Variants in HAUS6 observed in about 807,000 individuals in gnomAD.
HAUS6 encodes HAUS augmin like complex subunit 6.
In HAUS6, 80 loss-of-function variants were observed where a neutral mutation model predicts 106.8. The observed-to-expected ratio is 0.75, with a 90% CI of 0.63 to 0.90. HAUS6 has a LOEUF of 0.90. HAUS6 is among the 40% of genes least tolerant of loss of function. The pLI is 0.00. For synonymous variants in HAUS6, 356 were observed against 379.1 expected (o/e 0.94, Z 0.71); for missense variants, 1,155 against 1,118.1 (o/e 1.03, Z -0.47).
At chr9:19,102,380 A>T in intron 1 of HAUS6, 144 bp downstream of exon 1, 1 of 880,278 alleles carries the variant, frequency 1.1e-6, no homozygotes, top group Non-Finnish European at 1.7e-6. Context: ...AGCAACTGGG[A>T]GTAGGAACTT....
At chr9:19,062,012 C>A (rs1836633955) in intron 14 of HAUS6, among the ~76,000 whole-genome samples, 1 of 152,140 alleles carries the variant, frequency 6.6e-6, no homozygotes, top group Non-Finnish European at 1.5e-5. Context: ...GGCTGCTTAA[C>A]CAAATTCAAG....
At chr9:19,087,059 T>C in intron 6 of HAUS6, 32 bp downstream of exon 6, 1 of 1,031,478 alleles carries the variant, frequency 9.7e-7, no homozygotes, top group Non-Finnish European at 1.5e-6. Context: ...AACTAGTATC[T>C]AAGGCAACTT....
At chr9:19,071,338 A>G (rs1339403830) in intron 11 of HAUS6, among the ~76,000 whole-genome samples, 1 of 152,184 alleles carries the variant, frequency 6.6e-6, no homozygotes, top group Non-Finnish European at 1.5e-5. Flanking sequence ...ATGAGAAGTT[A>G]AAAGATATGA....
At chr9:19,059,040 C>G (rs1353108096) in intron 15 of HAUS6, 39 bp from the exon 16 acceptor site, 1 of 1,092,302 alleles carries the variant, frequency 9.2e-7, no homozygotes, top group South Asian at 1.4e-5. Context: ...ACTAACATTC[C>G]CAAACATAGA....
At chr9:19,084,015 C>G (rs981862189) in intron 7 of HAUS6, among the ~76,000 whole-genome samples, 4 of 141,198 alleles carry the variant, frequency 2.8e-5, no homozygotes, top group African/African-American at 1.1e-4. Context: ...ACTCAGAAGG[C>G]TGAGGTAAAA....
chr9:19,064,168 T>C (rs1388768622), intron 12 of HAUS6, among the ~76,000 whole-genome samples: 4 of 152,136 alleles, frequency 2.6e-5, no homozygotes, highest in Non-Finnish European at 4.4e-5. Flanking sequence ...GCTTTCTCCA[T>C]GTGAGTCAGG....
At chr9:19,072,385 C>A (rs557038111) in intron 11 of HAUS6, among the ~76,000 whole-genome samples, 4 of 151,568 alleles carry the variant, frequency 2.6e-5, no homozygotes, top group African/African-American at 9.7e-5. Flanking sequence ...TGATGGCACA[C>A]GCCAGGAATC....
chr9:19,069,577 T>C (rs1836843609), intron 12 of HAUS6, among the ~76,000 whole-genome samples: 1 of 152,042 alleles, frequency 6.6e-6, no homozygotes, highest in South Asian at 2.1e-4. Context: ...TAATGCCAGC[T>C]ACTTAGGAGG....
chr9:19,076,313 G>T (rs536819683), intron 11 of HAUS6, among the ~76,000 whole-genome samples: 1 of 151,230 alleles, frequency 6.6e-6, no homozygotes, highest in Non-Finnish European at 1.5e-5. Flanking sequence ...GAGATTGTTC[G>T]ACTGCACTCC....
rs139911174 is a variant in HAUS6, at chr9:19,089,432, T to A, written c.564A>T (p.Gln188His). The change falls in exon 5 of 17, where the codon CAA becomes CAT. Residue 188 changes from glutamine (Q) to histidine (H), a missense_variant. Gln to His is a conservative substitution (Grantham distance 24). This residue lies in a region of HAUS6 where 761 missense variants were observed against 690.0 expected (regional missense o/e 1.10). Coordinates refer to ENST00000380502, the MANE Select transcript of HAUS6 (RefSeq NM_017645.5). ...QILQRQDCVT[Q>H]KYQENAQLSV... Reference sequence around the variant, plus strand: ...CTTACTGTGCATTTTCCTGATATTTTTGGGTAACACAATCTTGTCTTTGCA... The same window carrying A: ...CTTACTGTGCATTTTCCTGATATTTATGGGTAACACAATCTTGTCTTTGCA... 6 of 1,609,380 alleles carry A rather than the reference T, an allele frequency of 3.7e-6. No individual in the cohort carries two copies. The African/African-American group carries it at 8.0e-5, about 21-fold the overall frequency.
In HAUS6 at chr9:19,082,901, A is replaced by T; in HGVS notation, c.842T>A (p.Leu281His). The change falls in exon 8 of 17, where the codon CTT becomes CAT. Residue 281 changes from leucine (L) to histidine (H), a missense_variant. Around this residue, in one of 3 missense-constraint regions of HAUS6, gnomAD observed 761 missense variants for 690.0 expected, o/e 1.10. Transcript: ENST00000380502. ...NVAINIPRLL[L>H]DKIEKQMFQL... ...AAACATTTGTTTCTCAATTTTGTCA[A>T]GTAAGAGCCTTGGAATATTAATAGC... 6.6e-7 allele frequency: 1 copy of T among 1,516,334 alleles called. No individual in the cohort carries two copies. The highest frequency in any genetic ancestry group is 8.8e-7 in the Non-Finnish European group (1 of 1,134,300). 93.9% of individuals were successfully genotyped at this position (1,516,334 alleles called of 1,614,324 possible).
chr9:19,093,543 TCTC>T (rs1460247110), intron 3 of HAUS6, among the ~76,000 whole-genome samples: 1 of 152,198 alleles, frequency 6.6e-6, no homozygotes, highest in African/African-American at 2.4e-5. Flanking sequence ...CAGGCCACTG[TCTC>T]CTCATCACAC....
chr9:19,093,598 G>A (rs1442026460), intron 3 of HAUS6, among the ~76,000 whole-genome samples: 2 of 152,174 alleles, frequency 1.3e-5, no homozygotes, highest in Non-Finnish European at 2.9e-5. Context: ...GCTGGGTGTG[G>A]TGGCTCATAC....
intron 7 of HAUS6, among the ~76,000 whole-genome samples, chr9:19,083,479 A>G (rs989230131): frequency 2.6e-5 from 4 of 152,106 alleles, no homozygotes; most frequent in African/African-American, 9.7e-5. Flanking sequence ...AATCGAATGA[A>G]GATCATTCAG....
rs1415432160 is a variant in HAUS6, at chr9:19,089,463, T to G, written c.533A>C (p.Gln178Pro). The change falls in exon 5 of 17, where the codon CAA (glutamine) becomes CCA (proline). Residue 178 changes from glutamine to proline, a missense_variant. Gln to Pro is a moderately conservative substitution (Grantham distance 76). Coordinates refer to ENST00000380502, the MANE Select transcript of HAUS6 (RefSeq NM_017645.5). ...RCHFARSRFL[Q>P]ILQRQDCVTQ... ...AACACAATCTTGTCTTTGCAAAATT[T>G]GTAAAAATCTGCTACGTGCGAAATG... 1.2e-6 allele frequency: 2 copies of G among 1,612,484 alleles called. No homozygotes were observed. Among genetic ancestry groups the G allele is most frequent in the Non-Finnish European group, 1.7e-6 (2 of 1,178,634 alleles).
intron 10 of HAUS6, among the ~76,000 whole-genome samples, chr9:19,077,691 T>C (rs866315065): frequency 1.3e-5 from 2 of 152,186 alleles, no homozygotes; most frequent in Non-Finnish European, 2.9e-5. Context: ...AAATGAAAGA[T>C]GACATACATA....
chr9:19,055,301 C>T lies in HAUS6; in HGVS notation c.*1042G>A, dbSNP rs1404570749. 1.3e-5 allele frequency: 2 copies of T among 152,200 alleles called. No homozygotes were observed. Among genetic ancestry groups the T allele is most frequent in the Non-Finnish European group, 2.9e-5 (2 of 68,048 alleles). 9.4% of individuals were successfully genotyped at this position (152,200 alleles called of 1,614,324 possible). On this transcript the variant is annotated 3_prime_UTR_variant, in exon 17 of 17. Coordinates refer to ENST00000380502, the MANE Select transcript of HAUS6 (RefSeq NM_017645.5). ...TGCCTGTTCCATTCCTCCTGGTTCA[C>T]AGAGGGCAATAGTATGTGTTCACTT... is the stretch of plus-strand genomic sequence containing the variant.
At position 19,058,566 on chromosome 9, in the gene HAUS6, T is replaced by A; in HGVS notation, c.2201A>T (p.Lys734Ile). ...VMGGSEEEFM[K>I]ILDHLEVSCN... is the part of the protein sequence containing the mutation. Reference sequence around the variant, plus strand: ...AGAAACTTCTAAGTGGTCCAATATTTTCATAAACTCCTCTTCACTGCCACC... The same window carrying A: ...AGAAACTTCTAAGTGGTCCAATATTATCATAAACTCCTCTTCACTGCCACC... Residue 734 changes from lysine (K) to isoleucine (I), a missense_variant, in exon 16 of 17, where the codon AAA (lysine) becomes ATA (isoleucine). This residue lies in a region of HAUS6 where 380 missense variants were observed against 394.8 expected (regional missense o/e 0.96). Transcript: ENST00000380502. 1.3e-6 allele frequency: 2 copies of A among 1,595,248 alleles called. No individual in the cohort carries two copies. Among genetic ancestry groups the A allele is most frequent in the Non-Finnish European group, 1.7e-6 (2 of 1,166,630 alleles).
Position 19,056,172 on chromosome 9 carries a change from A to C in HAUS6, c.*171T>G. ...CCTACAAAGAGGAAAAAATCCAAAC[A>C]TACTTTCCTTACCTAAAAATATTAA... On this transcript the variant is annotated 3_prime_UTR_variant, in exon 17 of 17. Coordinates refer to ENST00000380502, the MANE Select transcript of HAUS6 (RefSeq NM_017645.5). The C allele has an allele frequency of 2.0e-6, 1 of 509,910 alleles. No individual in the cohort carries two copies. The highest frequency in any genetic ancestry group is 1.9e-5 in the African/African-American group (1 of 52,378). 31.6% of individuals were successfully genotyped at this position (509,910 alleles called of 1,614,324 possible).
Sources: allele counts gnomAD v4.1 joint callset (sites outside exome capture counted in the v4.1 genomes callset), GRCh38; gene constraint gnomAD v4.1.1; regional missense constraint gnomAD v4.1.1; transcripts MANE v1.5; gene names NCBI Gene and HGNC (gene_info 2026-07-23, HGNC 2026-07-21).